The following MAST4 variants were observed in gnomAD, a reference collection of about 807,000 sequenced individuals.
MAST4 encodes microtubule-associated serine/threonine-protein kinase 4.
MAST4 carries 89 observed loss-of-function variants against 162.7 expected under a neutral mutation model. The observed-to-expected ratio is 0.55, with a 90% CI of 0.46 to 0.65. The LOEUF (loss-of-function observed/expected upper bound fraction) is 0.65, where lower values mean the gene tolerates loss of function less well. Among genes scored for constraint, MAST4 ranks in the 30% least tolerant of loss-of-function variants. MAST4 has a pLI of 0.00. For synonymous variants in MAST4, 1,479 were observed against 1,361.1 expected (o/e 1.09, Z -1.91); for missense variants, 3,153 against 3,374.0 (o/e 0.93, Z 1.62).
chr5:67,079,180 T>G (rs1762308701), intron 5 of MAST4, among the ~76,000 whole-genome samples: 1 of 151,250 alleles, frequency 6.6e-6, no homozygotes, highest in Non-Finnish European at 1.5e-5. Flanking sequence ...TTAGAAGATA[T>G]TCATTGAATC....
chr5:66,745,648 A>G (rs1317319051), intron 1 of MAST4, among the ~76,000 whole-genome samples: 1 of 152,138 alleles, frequency 6.6e-6, no homozygotes, highest in Non-Finnish European at 1.5e-5. Flanking sequence ...AAGGAAAATA[A>G]TTTATTAGGT....
intron 4 of MAST4, among the ~76,000 whole-genome samples, chr5:66,979,160 G>A (rs1184824741): frequency 2.6e-5 from 4 of 152,026 alleles, no homozygotes; most frequent in African/African-American, 4.8e-5. Context: ...TAGTAATATC[G>A]AACCTAAAAA....
At chr5:67,104,343 G>C in intron 9 of MAST4, 23 bp from the exon 10 acceptor site, 1 of 1,542,218 alleles carries the variant, frequency 6.5e-7, no homozygotes, top group Non-Finnish European at 9.0e-7. Context: ...TTACATCTGT[G>C]TATGTGTGTC....
At position 67,167,087 on chromosome 5, in the gene MAST4, TCCTGAAC is replaced by T; in HGVS notation, c.*37_*43del. On this transcript the variant is annotated 3_prime_UTR_variant, in exon 29 of 29. Coordinates refer to ENST00000403625, the MANE Select transcript of MAST4 (RefSeq NM_001164664.2). ...CCAGGGGCAGGACTGTGGAGACCCG[TCCTGAAC>T]GGGCGACTGTGTCTTGACTACCTTT... The T allele has an allele frequency of 2.0e-6, 3 of 1,507,310 alleles. No homozygotes were observed. Among genetic ancestry groups the T allele is most frequent in the Non-Finnish European group, 2.7e-6 (3 of 1,125,932 alleles). 93.4% of individuals were successfully genotyped at this position (1,507,310 alleles called of 1,614,324 possible). A position where few individuals can be genotyped will look rare whatever the true frequency, so the allele number is the denominator to read the frequency against.
intron 5 of MAST4, among the ~76,000 whole-genome samples, chr5:67,057,886 A>ATG (rs888511583): frequency 3.9e-5 from 6 of 152,060 alleles, no homozygotes; most frequent in African/African-American, 1.4e-4. Flanking sequence ...TGCAAATAGC[A>ATG]TGACATAAGG....
At chr5:66,970,407 G>A (rs1448103607) in intron 4 of MAST4, among the ~76,000 whole-genome samples, 1 of 152,162 alleles carries the variant, frequency 6.6e-6, no homozygotes, top group Non-Finnish European at 1.5e-5. Context: ...GGTATTATAA[G>A]CTCATCTTCT....
At chr5:66,961,820 G>A (rs1746055080) in intron 4 of MAST4, among the ~76,000 whole-genome samples, 1 of 152,130 alleles carries the variant, frequency 6.6e-6, no homozygotes, top group South Asian at 2.1e-4. Context: ...ACATTCCTGA[G>A]AGCTTTCCAA....
chr5:66,607,068 C>T (rs1742942000), intron 1 of MAST4, among the ~76,000 whole-genome samples: 1 of 151,962 alleles, frequency 6.6e-6, no homozygotes, highest in Admixed American at 6.6e-5. Flanking sequence ...AGCTAAGTGA[C>T]CCATTCAACC....
At chr5:67,100,100 A>T (rs963490593) in intron 7 of MAST4, among the ~76,000 whole-genome samples, 1 of 152,166 alleles carries the variant, frequency 6.6e-6, no homozygotes, top group Non-Finnish European at 1.5e-5. Flanking sequence ...GTTGAGAACT[A>T]ATCTGTGATA....
At chr5:66,826,387 C>T (rs1232378178) in intron 3 of MAST4, among the ~76,000 whole-genome samples, 13 of 152,124 alleles carry the variant, frequency 8.5e-5, no homozygotes, top group Admixed American at 8.5e-4. Flanking sequence ...ATCACTCCCA[C>T]CACCTCCCAA....
rs565530513 is a variant in MAST4 at position 66,602,911 on chromosome 5, T to G, written c.363+5893T>G. Among the ~76,000 whole-genome samples, 32 of 152,290 alleles carry G rather than the reference T, an allele frequency of 2.1e-4. 1 individual carries two copies. The South Asian group carries it at 4.8e-3, about 23-fold the overall frequency. On this transcript the variant is annotated intron_variant, in intron 1 of 28. Transcript: ENST00000403625. ...CCTCATCTGTAAAATGGGCCTGTAG[T>G]TTTTATTCCTGAGGGTCATTATAAG... is the stretch of plus-strand genomic sequence containing the variant.
intron 4 of MAST4, among the ~76,000 whole-genome samples, chr5:66,919,723 A>G (rs1764367893): frequency 6.6e-6 from 1 of 151,988 alleles, no homozygotes; most frequent in South Asian, 2.1e-4. Flanking sequence ...TACTCATATA[A>G]AAAACTAATA....
At chr5:66,680,924 C>T (rs1748289603) in intron 1 of MAST4, among the ~76,000 whole-genome samples, 1 of 152,188 alleles carries the variant, frequency 6.6e-6, no homozygotes, top group South Asian at 2.1e-4. Flanking sequence ...GCCACCTGGG[C>T]TGGTCATTGA....
At chr5:66,754,661 G>T (rs1753415358) in intron 1 of MAST4, among the ~76,000 whole-genome samples, 1 of 152,056 alleles carries the variant, frequency 6.6e-6, no homozygotes, top group Non-Finnish European at 1.5e-5. Context: ...ATACAGCAGT[G>T]GACAAAACAA....
At chr5:67,135,125 C>G (rs1439147293) in intron 18 of MAST4, among the ~76,000 whole-genome samples, 1 of 151,882 alleles carries the variant, frequency 6.6e-6, no homozygotes, top group Non-Finnish European at 1.5e-5. Flanking sequence ...TGTAATAAAC[C>G]CTAAAACAAA....
chr5:66,665,869 G>A (rs933475145), intron 1 of MAST4, among the ~76,000 whole-genome samples: 3 of 152,220 alleles, frequency 2.0e-5, no homozygotes, highest in African/African-American at 7.2e-5. Context: ...TGTTCCTAGA[G>A]CAGTGCCTAG....
At chr5:66,985,055 A>G (rs1375318770) in intron 4 of MAST4, among the ~76,000 whole-genome samples, 4 of 152,184 alleles carry the variant, frequency 2.6e-5, no homozygotes, top group East Asian at 3.9e-4. Context: ...GATGAAGTCA[A>G]CTAGTGAGAA....
chr5:66,603,617 CT>C (rs1742687063), intron 1 of MAST4, among the ~76,000 whole-genome samples: 1 of 152,214 alleles, frequency 6.6e-6, no homozygotes. Context: ...TGCAATAGAA[CT>C]TTCAAAAATA....
At chr5:67,133,794 G>T in intron 17 of MAST4, 148 bp downstream of exon 17, 1 of 879,470 alleles carries the variant, frequency 1.1e-6, no homozygotes, top group Non-Finnish European at 1.7e-6. Flanking sequence ...AGTGCAAATT[G>T]CTCCCATTTT....
Sources: gnomAD v4.1 joint callset for allele counts (sites outside exome capture counted in the v4.1 genomes callset) on GRCh38, gnomAD v4.1.1 for gene constraint, MANE v1.5 for transcripts, NCBI Gene and HGNC (gene_info 2026-07-23, HGNC 2026-07-21) for gene names.